Variants in KCNQ5 observed in about 807,000 individuals in gnomAD.
KCNQ5 encodes potassium voltage-gated channel subfamily Q member 5.
Under a neutral mutation model 98.2 loss-of-function variants are expected in KCNQ5, and 30 were observed. The observed-to-expected ratio is 0.31, with a 90% CI of 0.23 to 0.41. KCNQ5 has a LOEUF of 0.41. KCNQ5 is among the 10% of genes least tolerant of loss of function. The pLI, the probability that KCNQ5 is intolerant of heterozygous loss-of-function variation, is 1.00. For missense variants in KCNQ5, 835 were observed against 1,182.5 expected, an observed-to-expected ratio of 0.71 and a Z score of 4.31; for synonymous variants, 458 against 449.4, an observed-to-expected ratio of 1.02 and a Z score of -0.24.
rs983194892 is a variant in KCNQ5 at position 72,707,945 on chromosome 6, A to T, written c.398+85358A>T. Reference sequence around the variant, plus strand: ...AACAATCCTCCCACCTTGGCTTCCAAAGTGTTGGGTTTACAGGCATGAGCC... The same window carrying T: ...AACAATCCTCCCACCTTGGCTTCCATAGTGTTGGGTTTACAGGCATGAGCC... On this transcript the variant is annotated intron_variant, in intron 1 of 13. Transcript: ENST00000370398. Among the ~76,000 whole-genome samples, 42 of 152,070 alleles carry T rather than the reference A, an allele frequency of 2.8e-4. 1 individual carries two copies. Among genetic ancestry groups the T allele is most frequent in the Admixed American group, 2.4e-3 (36 of 15,262 alleles).
intron 1 of KCNQ5, among the ~76,000 whole-genome samples, chr6:72,850,148 A>G (rs1245575534): frequency 6.6e-6 from 1 of 152,154 alleles, no homozygotes; most frequent in African/African-American, 2.4e-5. Context: ...ATAAGTTTGT[A>G]TGAGTTCTAG....
intron 1 of KCNQ5, among the ~76,000 whole-genome samples, chr6:72,866,345 C>T (rs1581924864): frequency 1.4e-5 from 2 of 147,516 alleles, no homozygotes; most frequent in South Asian, 4.4e-4. Context: ...GCCTCAACCT[C>T]CCAGGCTCAG....
At chr6:73,037,771 G>A (rs1478693061) in intron 2 of KCNQ5, among the ~76,000 whole-genome samples, 3 of 152,026 alleles carry the variant, frequency 2.0e-5, no homozygotes, top group Non-Finnish European at 4.4e-5. Flanking sequence ...TTGATTACTG[G>A]AGCTATAATA....
At chr6:73,072,900 T>G (rs1393710292) in intron 3 of KCNQ5, among the ~76,000 whole-genome samples, 2 of 152,302 alleles carry the variant, frequency 1.3e-5, no homozygotes, top group East Asian at 1.9e-4. Context: ...TACATGCTTT[T>G]TTTTTTATTC....
intron 11 of KCNQ5, among the ~76,000 whole-genome samples, chr6:73,183,271 G>A (rs185661409): frequency 7.9e-4 from 120 of 152,294 alleles, no homozygotes; most frequent in African/African-American, 2.8e-3. Context: ...CAGTAACCTT[G>A]TTCTTACTAG....
In KCNQ5 at chr6:72,759,092, G is replaced by A. The variant is rs113122487; in HGVS notation, c.398+136505G>A. 3.7e-3 allele frequency among the ~76,000 whole-genome samples: 556 copies of A among 152,282 alleles called. 7 individuals are homozygous for A. Among genetic ancestry groups the A allele is most frequent in the African/African-American group, 0.013 (528 of 41,554 alleles). ...GTCAAAAGCTAGTCAAAGGTACCAC[G>A]TGATACTTCTTGTTTCAGGTGAAGC... On this transcript the variant is annotated intron_variant, in intron 1 of 13. Coordinates refer to ENST00000370398, the MANE Select transcript of KCNQ5 (RefSeq NM_019842.4).
intron 1 of KCNQ5, among the ~76,000 whole-genome samples, chr6:72,978,998 G>T (rs547770948): frequency 6.6e-6 from 1 of 152,312 alleles, no homozygotes; most frequent in East Asian, 1.9e-4. Flanking sequence ...CCCTACAAAG[G>T]ATATGAACTC....
At chr6:72,642,426 C>A (rs891137642) in intron 1 of KCNQ5, among the ~76,000 whole-genome samples, 10 of 151,698 alleles carry the variant, frequency 6.6e-5, no homozygotes, top group African/African-American at 2.2e-4. Flanking sequence ...ACAGATCAAC[C>A]CTATCACCCA....
At chr6:72,719,301 A>G (rs1394862520) in intron 1 of KCNQ5, among the ~76,000 whole-genome samples, 2 of 152,220 alleles carry the variant, frequency 1.3e-5, no homozygotes, top group Non-Finnish European at 2.9e-5. Context: ...TCTCTGCATT[A>G]GGCATCCCTT....
At chr6:72,755,301 C>A (rs547329505) in intron 1 of KCNQ5, among the ~76,000 whole-genome samples, 6 of 151,990 alleles carry the variant, frequency 3.9e-5, no homozygotes, top group Non-Finnish European at 7.4e-5. Context: ...TTTAATTTGA[C>A]AATTTCTGTC....
chr6:73,003,620 A>G (rs16883154), intron 1 of KCNQ5, among the ~76,000 whole-genome samples: 4,463 of 152,228 alleles, frequency 0.029, 227 homozygotes, highest in African/African-American at 0.099. Flanking sequence ...AGGAAGTTGT[A>G]TGGGAAATTC....
intron 1 of KCNQ5, among the ~76,000 whole-genome samples, chr6:72,908,768 C>A (rs1285799258): frequency 6.6e-6 from 1 of 152,072 alleles, no homozygotes; most frequent in African/African-American, 2.4e-5. Context: ...AAGCAAAGTT[C>A]TGTAAATTGA....
intron 2 of KCNQ5, among the ~76,000 whole-genome samples, chr6:73,005,151 A>G (rs1256153454): frequency 2.0e-5 from 3 of 152,198 alleles, no homozygotes; most frequent in Admixed American, 6.5e-5. Flanking sequence ...CTCCAGCAGC[A>G]TATTGCTCAT....
At chr6:72,791,451 A>G (rs535057479) in intron 1 of KCNQ5, among the ~76,000 whole-genome samples, 1 of 152,256 alleles carries the variant, frequency 6.6e-6, no homozygotes, top group African/African-American at 2.4e-5. Context: ...ACACACATGG[A>G]ACTTGGGAAA....
intron 1 of KCNQ5, among the ~76,000 whole-genome samples, chr6:72,700,434 C>G (rs1768745041): frequency 1.3e-5 from 2 of 152,136 alleles, no homozygotes; most frequent in South Asian, 4.2e-4. Flanking sequence ...GCCCATTCAA[C>G]TTTCTCCCAT....
chr6:73,015,980 A>T (rs1031747768), intron 2 of KCNQ5, among the ~76,000 whole-genome samples: 1 of 152,124 alleles, frequency 6.6e-6, no homozygotes, highest in African/African-American at 2.4e-5. Context: ...GCAGTACCCA[A>T]TAAGGATGAG....
intron 1 of KCNQ5, among the ~76,000 whole-genome samples, chr6:72,965,214 C>T (rs531096588): frequency 6.6e-6 from 1 of 152,282 alleles, no homozygotes; most frequent in African/African-American, 2.4e-5. Context: ...TTGGAGAAAA[C>T]ACAGTTGGTT....
In KCNQ5 at chr6:73,190,520, T is replaced by A. The variant is rs1765553943; in HGVS notation, c.1578-53T>A. 8 of 936,958 alleles carry A rather than the reference T, an allele frequency of 8.5e-6. No homozygotes were observed. In the South Asian group the frequency reaches 2.3e-4, roughly 27 times the overall value. The allele number at this position is 936,958 out of a possible 1,614,324, so 58.0% of individuals were successfully genotyped here. ...TATATTTACTGGTAAACTATTTTGG[T>A]AACTTATATTAACAGAGTTATAAAG... On this transcript the variant is annotated intron_variant, in intron 11 of 13. Coordinates refer to ENST00000370398, the MANE Select transcript of KCNQ5 (RefSeq NM_019842.4).
At chr6:72,835,912 G>C (rs1351760546) in intron 1 of KCNQ5, among the ~76,000 whole-genome samples, 3 of 152,104 alleles carry the variant, frequency 2.0e-5, no homozygotes, top group African/African-American at 7.2e-5. Flanking sequence ...GTATATCACT[G>C]TGCTGCTTCT....
Sources: gnomAD v4.1 joint callset for allele counts (sites outside exome capture counted in the v4.1 genomes callset) on GRCh38, gnomAD v4.1.1 for gene constraint, MANE v1.5 for transcripts, NCBI Gene and HGNC (gene_info 2026-07-23, HGNC 2026-07-21) for gene names.